Variants in JAK1 observed in about 807,000 individuals in gnomAD.
JAK1 encodes Janus kinase 1, also known as tyrosine-protein kinase JAK1.
In JAK1, 16 loss-of-function variants were observed where a neutral mutation model predicts 136.6. The observed-to-expected ratio is 0.12, with a 90% CI of 0.08 to 0.18. JAK1 has a LOEUF of 0.18. Ranked by LOEUF, JAK1 falls within the 10% of genes least tolerant of loss-of-function variation. JAK1 has a pLI of 1.00. For missense variants in JAK1, 859 were observed against 1,450.1 expected (o/e 0.59, Z 6.62); for synonymous variants, 492 against 519.5 (o/e 0.95, Z 0.72).
intron 2 of JAK1, among the ~76,000 whole-genome samples, chr1:64,974,947 T>C (rs1468248475): frequency 1.3e-5 from 2 of 152,106 alleles, no homozygotes; most frequent in Non-Finnish European, 2.9e-5. Context: ...TTCACCCTTA[T>C]TGCCCAGGCT....
intron 3 of JAK1, among the ~76,000 whole-genome samples, chr1:64,882,922 T>C (rs1644796765): frequency 6.6e-6 from 1 of 152,166 alleles, no homozygotes; most frequent in African/African-American, 2.4e-5. Flanking sequence ...CCCAGGTGTT[T>C]TACGTAGCAC....
chr1:64,988,651 G>A (rs886504059), intron 2 of JAK1, among the ~76,000 whole-genome samples: 14 of 152,104 alleles, frequency 9.2e-5, no homozygotes, highest in African/African-American at 3.1e-4. Flanking sequence ...GGGAGGTCAA[G>A]ACAAGAGGAT....
At chr1:64,846,519 A>G (rs1570624956) in intron 14 of JAK1, 130 bp downstream of exon 14, 3 of 670,908 alleles carry the variant, frequency 4.5e-6, no homozygotes, top group Non-Finnish European at 8.1e-6. Context: ...TCAGTCCCTC[A>G]ATCTCCTCAA....
intron 2 of JAK1, among the ~76,000 whole-genome samples, chr1:65,018,902 T>C (rs1005438839): frequency 6.6e-6 from 1 of 152,034 alleles, no homozygotes; most frequent in Admixed American, 6.6e-5. Context: ...TCCCAGCTAC[T>C]CGGGAGGCTG....
At chr1:64,926,282 T>C (rs1645580539) in intron 1 of JAK1, among the ~76,000 whole-genome samples, 1 of 152,000 alleles carries the variant, frequency 6.6e-6, no homozygotes. Context: ...TTTGCTCACC[T>C]GATGGTGCAG....
chr1:64,856,644 A>C (rs1202686536), intron 10 of JAK1, among the ~76,000 whole-genome samples: 4 of 152,152 alleles, frequency 2.6e-5, no homozygotes, highest in African/African-American at 9.7e-5. Context: ...TCCTCCAATG[A>C]CTGATGAATA....
At chr1:64,981,450 A>T (rs1277711046) in intron 2 of JAK1, among the ~76,000 whole-genome samples, 1 of 152,234 alleles carries the variant, frequency 6.6e-6, no homozygotes, top group Non-Finnish European at 1.5e-5. Flanking sequence ...CCTCCAGGGT[A>T]AAATGGGCCT....
intron 1 of JAK1, among the ~76,000 whole-genome samples, chr1:65,050,317 TGAAGGAAAAGCACAAAG>T (rs1467606636): frequency 6.6e-6 from 1 of 152,212 alleles, no homozygotes; most frequent in African/African-American, 2.4e-5. Context: ...ACAAGTGCTC[TGAAGGAAAAGCACAAAG>T]TGCCATGAGA....
At chr1:64,918,838 T>C (rs936714737) in intron 1 of JAK1, among the ~76,000 whole-genome samples, 1 of 152,134 alleles carries the variant, frequency 6.6e-6, no homozygotes, top group African/African-American at 2.4e-5. Flanking sequence ...TAACTGAAAC[T>C]TGAAAAAAAA....
chr1:64,984,696 C>T lies in JAK1; in HGVS notation c.-78+59784G>A. ...AGATCTATTTGCATCGTGTGCCTGC[C>T]CCTCAAAGGCCTATGTGATATCCTT... On this transcript the variant is annotated intron_variant, in intron 2 of 25. Coordinates refer to the JAK1 transcript ENST00000671954. This position sits in a 1 kb window ranked among gnomAD's most constrained non-coding sequence, Gnocchi z 4.1. 1 of 643,936 alleles carries T rather than the reference C, an allele frequency of 1.6e-6. No homozygotes were observed. The highest frequency in any genetic ancestry group is 2.7e-6 in the Non-Finnish European group (1 of 364,260). 39.9% of individuals were successfully genotyped at this position (643,936 alleles called of 1,614,324 possible). A position where few individuals can be genotyped will look rare whatever the true frequency, so the allele number is the denominator to read the frequency against.
chr1:64,881,471 C>T (rs1644771338), intron 3 of JAK1, among the ~76,000 whole-genome samples: 1 of 151,754 alleles, frequency 6.6e-6, no homozygotes, highest in Non-Finnish European at 1.5e-5. Flanking sequence ...TCAATGAGAA[C>T]TAAACAAAAC....
chr1:64,995,220 G>A (rs371066995), intron 2 of JAK1: 1 of 152,126 alleles, frequency 6.6e-6, no homozygotes, highest in Non-Finnish European at 1.5e-5. Context: ...CCAGGATTAG[G>A]AGATTGATAG....
chr1:64,928,798 A>AAAAAAAAAC (rs1645636001), intron 1 of JAK1, among the ~76,000 whole-genome samples: 46 of 90,008 alleles, frequency 5.1e-4, no homozygotes, highest in East Asian at 2.7e-3. Context: ...AAAAAAAAAC[A>AAAAAAAAAC]AAAAAAAAAA....
intron 11 of JAK1, among the ~76,000 whole-genome samples, chr1:64,853,428 T>C (rs1655723504): frequency 6.6e-6 from 1 of 152,218 alleles, no homozygotes; most frequent in Non-Finnish European, 1.5e-5. Context: ...CCACTCATCC[T>C]CTACCTAAGT....
intron 2 of JAK1, among the ~76,000 whole-genome samples, chr1:65,006,680 T>G (rs1428327960): frequency 6.6e-6 from 1 of 152,168 alleles, no homozygotes; most frequent in Non-Finnish European, 1.5e-5. Flanking sequence ...TATATCTGAT[T>G]TCATATTTCC....
chr1:64,929,198 TGC>T (rs956145527), intron 1 of JAK1, among the ~76,000 whole-genome samples: 1 of 152,212 alleles, frequency 6.6e-6, no homozygotes, highest in Non-Finnish European at 1.5e-5. Context: ...TAGTCAGTTA[TGC>T]AAAAGCAAAT....
intron 1 of JAK1, among the ~76,000 whole-genome samples, chr1:64,927,048 AACT>A (rs1645595138): frequency 6.6e-6 from 1 of 152,156 alleles, no homozygotes; most frequent in Admixed American, 6.5e-5. Flanking sequence ...CAAATATACC[AACT>A]ACTTCCCACC....
At chr1:64,870,670 G>A (rs867252214) in intron 5 of JAK1, among the ~76,000 whole-genome samples, 7 of 152,048 alleles carry the variant, frequency 4.6e-5, no homozygotes, top group African/African-American at 1.7e-4. Context: ...GAGCAGGGCA[G>A]GCACAAAGCC....
At chr1:65,024,639 C>T (rs984074753) in intron 2 of JAK1, among the ~76,000 whole-genome samples, 41 of 88,392 alleles carry the variant, frequency 4.6e-4, no homozygotes, top group African/African-American at 1.7e-3. Context: ...GTTGTGGCTT[C>T]AAGAATGGCC....
Sources: gnomAD v4.1 joint callset for allele counts (sites outside exome capture counted in the v4.1 genomes callset) on GRCh38, gnomAD v4.1.1 for gene constraint, Gnocchi (gnomAD v3.1) non-coding constraint, MANE v1.5 for transcripts, NCBI Gene and HGNC (gene_info 2026-07-23, HGNC 2026-07-21) for gene names.